Variants in PCLO observed in about 807,000 individuals in gnomAD.
PCLO encodes protein piccolo.
In PCLO, 82 loss-of-function variants were observed where a neutral mutation model predicts 427.5. That is an observed-to-expected ratio of 0.19 (90% CI 0.16 to 0.23). The LOEUF (loss-of-function observed/expected upper bound fraction) is 0.23, where lower values mean the gene tolerates loss of function less well. Among genes scored for constraint, PCLO ranks in the 10% least tolerant of loss-of-function variants. The pLI is 1.00. For synonymous variants in PCLO, 2,357 were observed against 2,155.4 expected, an observed-to-expected ratio of 1.09 and a Z score of -2.59; for missense variants, 6,239 against 6,115.9, an observed-to-expected ratio of 1.02 and a Z score of -0.67.
At chr7:83,127,643 T>C (rs1791470381) in intron 3 of PCLO, among the ~76,000 whole-genome samples, 1 of 152,152 alleles carries the variant, frequency 6.6e-6, no homozygotes, top group Admixed American at 6.5e-5. Flanking sequence ...ATTCCATTTG[T>C]AATATTCTGC....
rs192135328 is a variant in PCLO, at chr7:83,158,924, G to T, written c.249-2532C>A. Among the ~76,000 whole-genome samples the T allele has an allele frequency of 1.1e-4, 17 of 152,062 alleles. No homozygotes were observed. The East Asian group carries it at 2.7e-3, about 24-fold the overall frequency. On this transcript the variant is annotated intron_variant, in intron 1 of 24. Coordinates refer to ENST00000333891, the MANE Select transcript of PCLO (RefSeq NM_033026.6). The stretch of plus-strand genomic sequence containing the variant: ...TGCCAATACCAAACAAAAACGTAAA[G>T]GTGCTGCTGTCTTTTGGTGAAATTT...
intron 3 of PCLO, among the ~76,000 whole-genome samples, chr7:83,093,492 A>ATATATATT: frequency 4.7e-4 from 28 of 59,284 alleles, no homozygotes; most frequent in African/African-American, 7.0e-4. Flanking sequence ...ATATATATAT[A>ATATATATT]TTTTTTTTTT....
At chr7:82,943,522 A>C (rs1351701955) in intron 6 of PCLO, among the ~76,000 whole-genome samples, 2 of 151,888 alleles carry the variant, frequency 1.3e-5, no homozygotes, top group Admixed American at 6.6e-5. Context: ...TCTTGAAATA[A>C]ATTAGGTACC....
At chr7:83,028,258 G>T (rs1165931940) in intron 3 of PCLO, among the ~76,000 whole-genome samples, 1 of 150,542 alleles carries the variant, frequency 6.6e-6, no homozygotes, top group East Asian at 2.0e-4. Flanking sequence ...CTTCAACAAA[G>T]TCTCAGGATA....
In PCLO at chr7:83,128,921, CT is replaced by C. The variant is rs777923193; in HGVS notation, c.3300+5328del. ...GAACCCCTGAATCTGCTTCATTCTT[CT>C]AAATTCAACCATGTAACAGCCATCA... On this transcript the variant is annotated intron_variant, in intron 3 of 24. Transcript: ENST00000333891. Among the ~76,000 whole-genome samples, 266 of 152,256 alleles carry C rather than the reference CT, an allele frequency of 1.7e-3. 1 individual carries two copies. The highest frequency in any genetic ancestry group is 2.4e-3 in the Non-Finnish European group (164 of 67,994).
intron 22 of PCLO, among the ~76,000 whole-genome samples, chr7:82,794,470 T>TC (rs1562789420): frequency 4.2e-5 from 4 of 95,498 alleles, no homozygotes; most frequent in Non-Finnish European, 6.2e-5. Flanking sequence ...TTTTTTTTTT[T>TC]TTTTTTTTTT....
intron 10 of PCLO, among the ~76,000 whole-genome samples, chr7:82,868,861 G>A (rs1793161016): frequency 1.3e-5 from 2 of 152,082 alleles, no homozygotes; most frequent in African/African-American, 4.8e-5. Flanking sequence ...TAATAATATA[G>A]ATACAAGTTA....
chr7:82,858,021 G>C (rs1490146403), intron 10 of PCLO, among the ~76,000 whole-genome samples: 1 of 151,950 alleles, frequency 6.6e-6, no homozygotes, highest in Non-Finnish European at 1.5e-5. Flanking sequence ...TGCTACAAAG[G>C]AAAATTACAG....
At chr7:83,082,522 G>C (rs1168229876) in intron 3 of PCLO, among the ~76,000 whole-genome samples, 2 of 151,826 alleles carry the variant, frequency 1.3e-5, no homozygotes, top group Non-Finnish European at 3.0e-5. Context: ...TGGATATGAA[G>C]AAGGGATGAT....
At position 82,756,872 on chromosome 7, in the gene PCLO, T is replaced by C. The variant is rs1668331383; in HGVS notation, c.*1703A>G. 1 of 152,070 alleles carries C rather than the reference T, an allele frequency of 6.6e-6. No homozygotes were observed. The highest frequency in any genetic ancestry group is 2.4e-5 in the African/African-American group (1 of 41,426). The allele number at this position is 152,070 out of a possible 1,614,324, so 9.4% of individuals were successfully genotyped here. On this transcript the variant is annotated 3_prime_UTR_variant, in exon 25 of 25. Coordinates refer to ENST00000333891, the MANE Select transcript of PCLO (RefSeq NM_033026.6). ...TTTAGTCAGGTTAAAGTTTATATTT[T>C]AAATAAAAAATAAGTTTTGTGGCTA...
chr7:83,076,037 C>A (rs1214808895), intron 3 of PCLO, among the ~76,000 whole-genome samples: 1 of 151,284 alleles, frequency 6.6e-6, no homozygotes, highest in African/African-American at 2.4e-5. Flanking sequence ...AAATTGATGG[C>A]TAGTAATGCT....
At chr7:83,077,726 T>C (rs1471647005) in intron 3 of PCLO, among the ~76,000 whole-genome samples, 1 of 152,114 alleles carries the variant, frequency 6.6e-6, no homozygotes, top group Non-Finnish European at 1.5e-5. Flanking sequence ...TTTCCAGCTC[T>C]CATGGAATCT....
intron 6 of PCLO, among the ~76,000 whole-genome samples, chr7:82,927,265 C>T (rs1291976206): frequency 2.0e-5 from 3 of 152,114 alleles, no homozygotes; most frequent in African/African-American, 2.4e-5. Context: ...ATATAACTAG[C>T]GTAGGTTTAA....
intron 22 of PCLO, among the ~76,000 whole-genome samples, chr7:82,764,600 G>T (rs1166350880): frequency 1.3e-5 from 2 of 151,856 alleles, no homozygotes. Flanking sequence ...ACAGATATTG[G>T]CAAGTATGTC....
At chr7:82,793,137 T>A (rs1290210016) in intron 22 of PCLO, among the ~76,000 whole-genome samples, 25 of 152,118 alleles carry the variant, frequency 1.6e-4, no homozygotes, top group Admixed American at 1.6e-3. Context: ...AATGCTCTTC[T>A]CTCCTGCATG....
chr7:82,948,047 T>G (rs1458498697), intron 6 of PCLO, among the ~76,000 whole-genome samples: 5 of 152,144 alleles, frequency 3.3e-5, no homozygotes, highest in Non-Finnish European at 7.4e-5. Flanking sequence ...TCAAAGTTGT[T>G]CACATAACTC....
rs756571448 is a variant in PCLO, at chr7:82,953,699, T to TGGA, written c.7251_7253dup (p.Pro2426dup). On this transcript the variant is annotated inframe_insertion, in exon 5 of 25. Coordinates refer to ENST00000333891, the MANE Select transcript of PCLO (RefSeq NM_033026.6). Reference sequence around the variant, plus strand: ...GTGGTGGGGGAGGAGGGGGTGGTGGTGGAGGAGGAGGAGGAGGGGGAGGGG... The same window carrying TGGA: ...GTGGTGGGGGAGGAGGGGGTGGTGGTGGAGGAGGAGGAGGAGGAGGGGGAGGGG... The TGGA allele has an allele frequency of 8.0e-6, 4 of 501,274 alleles. No homozygotes were observed. Among genetic ancestry groups the TGGA allele is most frequent in the South Asian group, 1.9e-5 (1 of 52,204 alleles). The allele number at this position is 501,274 out of a possible 1,614,324, so 31.1% of individuals were successfully genotyped here. A position where few individuals can be genotyped will look rare whatever the true frequency, so the allele number is the denominator to read the frequency against.
intron 10 of PCLO, among the ~76,000 whole-genome samples, chr7:82,864,653 G>T (rs2115937882): frequency 6.6e-6 from 1 of 152,056 alleles, no homozygotes; most frequent in African/African-American, 2.4e-5. Flanking sequence ...TCTGTTTCTT[G>T]TACACACTTC....
chr7:83,118,898 A>G (rs1046928942), intron 3 of PCLO, among the ~76,000 whole-genome samples: 8 of 152,130 alleles, frequency 5.3e-5, no homozygotes, highest in African/African-American at 1.9e-4. Flanking sequence ...GGGAATGTTT[A>G]TATCACCTCT....
Sources: allele counts gnomAD v4.1 joint callset (sites outside exome capture counted in the v4.1 genomes callset), GRCh38; gene constraint gnomAD v4.1.1; transcripts MANE v1.5; gene names NCBI Gene and HGNC (gene_info 2026-07-23, HGNC 2026-07-21).